Variants in RALYL observed in about 807,000 individuals in gnomAD.
RALYL encodes the protein RNA-binding Raly-like protein.
In RALYL, 29 loss-of-function variants were observed where a neutral mutation model predicts 35.1. That is an observed-to-expected ratio of 0.83 (90% CI 0.61 to 1.13). The LOEUF (loss-of-function observed/expected upper bound fraction) is 1.13. Among genes scored for constraint, RALYL ranks in the 50% most tolerant of loss-of-function variants. RALYL has a pLI of 0.00. For synonymous variants in RALYL, 120 were observed against 127.6 expected (o/e 0.94, Z 0.40); for missense variants, 359 against 360.4 (o/e 1.00, Z 0.03).
chr8:84,757,174 A>G (rs957815), intron 2 of RALYL, among the ~76,000 whole-genome samples: 41,057 of 152,004 alleles, frequency 0.27, 5,952 homozygotes, highest in African/African-American at 0.35. Flanking sequence ...ATAACCTATG[A>G]ATATTAGATT....
At chr8:84,400,816 T>A (rs1029893227) in intron 1 of RALYL, among the ~76,000 whole-genome samples, 2 of 152,192 alleles carry the variant, frequency 1.3e-5, no homozygotes, top group African/African-American at 4.8e-5. Flanking sequence ...GGTAAGAGAT[T>A]TTCATGTTCA....
chr8:84,819,140 T>C (rs1465758561), intron 4 of RALYL, among the ~76,000 whole-genome samples: 1 of 152,160 alleles, frequency 6.6e-6, no homozygotes, highest in African/African-American at 2.4e-5. Flanking sequence ...TGCGTTTTTT[T>C]TAAGACTCAG....
chr8:84,843,111 G>A (rs899089091), intron 4 of RALYL, among the ~76,000 whole-genome samples: 23 of 152,094 alleles, frequency 1.5e-4, no homozygotes, highest in Non-Finnish European at 8.8e-5. Flanking sequence ...TGGAAGTTCT[G>A]GCCAGGGCAA....
rs1051356707 is a variant in RALYL, at chr8:84,835,669, G to A, written c.366-14311G>A. 6.3e-5 allele frequency among the ~76,000 whole-genome samples: 5 copies of A among 79,378 alleles called. 1 individual carries two copies. The highest frequency in any genetic ancestry group is 3.2e-4 in the Admixed American group (2 of 6,312). 52.1% of individuals were successfully genotyped at this position (79,378 alleles called of 152,430 possible). A position where few individuals can be genotyped will look rare whatever the true frequency, so the allele number is the denominator to read the frequency against. The stretch of plus-strand genomic sequence containing the variant: ...TTGCACTCCAGCCTGGGCAACAAAA[G>A]CAAAACTCCGTCTCAAAAAAAAAAA... On this transcript the variant is annotated intron_variant, in intron 4 of 8. Transcript: ENST00000521268.
rs751662155 is a variant in RALYL, at chr8:84,823,087, C to T, written c.365+18285C>T. On this transcript the variant is annotated intron_variant, in intron 4 of 8. Transcript: ENST00000521268. ...GAAAGTAGGAGTAAGCATTTTAAAA[C>T]GTGTAGCATGTTTATATGCTATCGT... Among the ~76,000 whole-genome samples, 19 of 152,000 alleles carry T rather than the reference C, an allele frequency of 1.3e-4. 1 individual carries two copies. Among genetic ancestry groups the T allele is most frequent in the Non-Finnish European group, 2.1e-4 (14 of 67,978 alleles).
chr8:84,717,853 A>G (rs1015364918), intron 2 of RALYL, among the ~76,000 whole-genome samples: 1 of 152,144 alleles, frequency 6.6e-6, no homozygotes, highest in Non-Finnish European at 1.5e-5. Flanking sequence ...GGCATTTTTT[A>G]TACCTTGCTG....
chr8:84,656,829 C>T (rs1830047221), intron 2 of RALYL, among the ~76,000 whole-genome samples: 1 of 151,824 alleles, frequency 6.6e-6, no homozygotes, highest in Non-Finnish European at 1.5e-5. Context: ...TGAGATAAAA[C>T]AATTGGCTAT....
In RALYL at chr8:84,479,958, G is replaced by A. The variant is rs575498841; in HGVS notation, c.-23-49341G>A. Among the ~76,000 whole-genome samples, 3 of 152,164 alleles carry A rather than the reference G, an allele frequency of 2.0e-5. No homozygotes were observed. The South Asian group carries it at 6.2e-4, about 32-fold the overall frequency. On this transcript the variant is annotated intron_variant, in intron 1 of 8. Transcript: ENST00000521268. ...ACTGAAATTAAAAATTGCTTCCTGA[G>A]ATTTGGAGTTTAAAGCTGATTTGAG...
chr8:84,276,706 G>A (rs1266187254), intron 1 of RALYL, among the ~76,000 whole-genome samples: 2 of 152,188 alleles, frequency 1.3e-5, no homozygotes, highest in African/African-American at 4.8e-5. Context: ...ACAAGGAGGA[G>A]ATGAGTGCTA....
At chr8:84,218,640 T>G (rs1459339303) in intron 1 of RALYL, among the ~76,000 whole-genome samples, 2 of 152,022 alleles carry the variant, frequency 1.3e-5, no homozygotes, top group Non-Finnish European at 2.9e-5. Context: ...CTGAAGAGTG[T>G]TTCTAACTCC....
At chr8:84,735,420 A>G (rs1305276116) in intron 2 of RALYL, among the ~76,000 whole-genome samples, 1 of 152,046 alleles carries the variant, frequency 6.6e-6, no homozygotes, top group Non-Finnish European at 1.5e-5. Flanking sequence ...CATTCTACAA[A>G]TTCTATTATG....
chr8:84,242,445 T>C (rs1828148670), intron 1 of RALYL, among the ~76,000 whole-genome samples: 1 of 152,216 alleles, frequency 6.6e-6, no homozygotes, highest in Non-Finnish European at 1.5e-5. Context: ...GTTGAACTAA[T>C]TTACATTCCC....
At position 84,921,091 on chromosome 8, in the gene RALYL, C is replaced by A. The variant is rs1424842689; in HGVS notation, c.*180C>A. ...AATTCCATTTCTTCTATGTTTTAAGCTGTACAATTGTCAGGTTTTTATGGT... is the reference window on the plus strand; with the variant it reads ...AATTCCATTTCTTCTATGTTTTAAGATGTACAATTGTCAGGTTTTTATGGT... On this transcript the variant is annotated 3_prime_UTR_variant, in exon 9 of 9. Coordinates refer to ENST00000521268, the MANE Select transcript of RALYL (RefSeq NM_173848.7). 2.7e-5 allele frequency: 11 copies of A among 414,256 alleles called. No individual in the cohort carries two copies. The East Asian group carries it at 3.8e-4, about 14-fold the overall frequency. 25.7% of individuals were successfully genotyped at this position (414,256 alleles called of 1,614,324 possible).
At chr8:84,595,564 A>G (rs1814302626) in intron 2 of RALYL, among the ~76,000 whole-genome samples, 1 of 152,134 alleles carries the variant, frequency 6.6e-6, no homozygotes, top group Non-Finnish European at 1.5e-5. Context: ...AGTTTTTAAA[A>G]GTGTGAATAA....
At chr8:84,679,247 ACTTT>A (rs772473092) in intron 2 of RALYL, 6 of 204,914 alleles carry the variant, frequency 2.9e-5, no homozygotes, top group Non-Finnish European at 6.0e-5. Flanking sequence ...ATATTCCCAT[ACTTT>A]CTAAGATTGA....
rs76258443 is a variant in RALYL at position 84,333,259 on chromosome 8, A to G, written c.-24+148835A>G. On this transcript the variant is annotated intron_variant, in intron 1 of 8. Transcript: ENST00000521268. ...TTTTAGTTGTTTGTTCAGTCTCACCATAAATATCATTGAGATAATGATGAA... is the reference window on the plus strand; with the variant it reads ...TTTTAGTTGTTTGTTCAGTCTCACCGTAAATATCATTGAGATAATGATGAA... Among the ~76,000 whole-genome samples the G allele has an allele frequency of 4.6e-5, 7 of 152,290 alleles. No individual in the cohort carries two copies. The East Asian group carries it at 7.7e-4, about 17-fold the overall frequency.
intron 1 of RALYL, among the ~76,000 whole-genome samples, chr8:84,426,159 A>G (rs2046408549): frequency 6.6e-6 from 1 of 152,200 alleles, no homozygotes; most frequent in Non-Finnish European, 1.5e-5. Flanking sequence ...TATAGATAGT[A>G]TAAAGGTTAC....
At chr8:84,285,299 T>A (rs1004310192) in intron 1 of RALYL, among the ~76,000 whole-genome samples, 4 of 152,190 alleles carry the variant, frequency 2.6e-5, no homozygotes, top group Non-Finnish European at 5.9e-5. Flanking sequence ...AAAAAGTCAT[T>A]TAAGTATATA....
At chr8:84,432,320 T>A (rs1369663768) in intron 1 of RALYL, among the ~76,000 whole-genome samples, 2 of 152,052 alleles carry the variant, frequency 1.3e-5, no homozygotes, top group Non-Finnish European at 2.9e-5. Flanking sequence ...ATGAGGAGTC[T>A]AAAATAGTCA....
Sources: gnomAD v4.1 joint callset for allele counts (sites outside exome capture counted in the v4.1 genomes callset) on GRCh38, gnomAD v4.1.1 for gene constraint, MANE v1.5 for transcripts, NCBI Gene and HGNC (gene_info 2026-07-23, HGNC 2026-07-21) for gene names.